STRN3: variants seen among roughly 807,000 people sequenced by gnomAD.
STRN3 encodes the protein striatin 3, also known as striatin-3.
A neutral mutation model predicts 95.6 loss-of-function variants in STRN3; 29 were observed. The ratio of observed to expected loss-of-function variants is 0.30; its 90% CI spans 0.23 to 0.41. The LOEUF (loss-of-function observed/expected upper bound fraction) is 0.41. Ranked by LOEUF, STRN3 falls within the 10% of genes least tolerant of loss-of-function variation. The pLI is 1.00. For synonymous variants in STRN3, 331 were observed against 357.6 expected, an observed-to-expected ratio of 0.93 and a Z score of 0.84; for missense variants, 890 against 972.1, an observed-to-expected ratio of 0.92 and a Z score of 1.12.
intron 1 of STRN3, among the ~76,000 whole-genome samples, chr14:31,020,707 A>G (rs1296244338): frequency 6.6e-6 from 1 of 152,076 alleles, no homozygotes; most frequent in Non-Finnish European, 1.5e-5. Flanking sequence ...CCAGGAGTTC[A>G]AGACCAGCCT....
intron 1 of STRN3, among the ~76,000 whole-genome samples, chr14:30,965,657 T>TA (rs1337277011): frequency 2.8e-5 from 4 of 145,360 alleles, no homozygotes; most frequent in South Asian, 2.1e-4. Context: ...CCATCTCTAC[T>TA]AAAAAAATTA....
At chr14:30,968,866 T>C (rs1012311590) in intron 1 of STRN3, among the ~76,000 whole-genome samples, 9 of 152,142 alleles carry the variant, frequency 5.9e-5, no homozygotes, top group African/African-American at 1.9e-4. Context: ...GCAAAGCGTG[T>C]AAGGAAAGTA....
At chr14:30,962,372 A>G (rs1437029651) in intron 1 of STRN3, among the ~76,000 whole-genome samples, 1 of 152,202 alleles carries the variant, frequency 6.6e-6, no homozygotes, top group African/African-American at 2.4e-5. Flanking sequence ...AAAAAAATTC[A>G]CATAAATTTA....
At position 30,936,571 on chromosome 14, in the gene STRN3, C is replaced by A. The variant is rs760713044; in HGVS notation, c.770G>T (p.Ser257Ile). The A allele has an allele frequency of 6.2e-7, 1 of 1,613,832 alleles. No homozygotes were observed. The highest frequency in any genetic ancestry group is 1.1e-5 in the South Asian group (1 of 91,072). ...TFNFLENADD[S>I]DEDEENDMIE... is the part of the protein sequence containing the mutation. ...CATGTCATTTTCCTCATCTTCATCACTGTCATCGGCATTTTCTAAGAAATT... is the reference window on the plus strand; with the variant it reads ...CATGTCATTTTCCTCATCTTCATCAATGTCATCGGCATTTTCTAAGAAATT... The change falls in exon 6 of 18, where the codon AGT (serine) becomes ATT (isoleucine). Residue 257 changes from serine (S) to isoleucine (I), a missense_variant. Transcript: ENST00000357479.
At position 30,894,900 on chromosome 14, in the gene STRN3, T is replaced by C. The variant is rs1566420571; in HGVS notation, c.*511A>G. On this transcript the variant is annotated 3_prime_UTR_variant, in exon 18 of 18. Transcript: ENST00000357479. ...AAGTTAAATTTTCTTTTTCTTTTTT[T>C]TTTTTTTTAAAGCAAAATAAGTTTA... The C allele has an allele frequency of 3.8e-6, 4 of 1,056,310 alleles. No individual in the cohort carries two copies. The highest frequency in any genetic ancestry group is 1.6e-5 in the South Asian group (1 of 62,176). The allele number at this position is 1,056,310 out of a possible 1,614,324, so 65.4% of individuals were successfully genotyped here.
intron 1 of STRN3, among the ~76,000 whole-genome samples, chr14:30,977,644 T>A (rs1376188775): frequency 2.7e-5 from 4 of 145,556 alleles, no homozygotes; most frequent in African/African-American, 1.0e-4. Flanking sequence ...AAAAAAAAAA[T>A]TAGCCAGGTG....
At position 30,894,864 on chromosome 14, in the gene STRN3, T is replaced by C. The variant is rs570380733; in HGVS notation, c.*547A>G. Reference sequence around the variant, plus strand: ...TCCAAACATTTTGTGCAACTAATGCTAAAATATTTTAAGTTAAATTTTCTT... The same window carrying C: ...TCCAAACATTTTGTGCAACTAATGCCAAAATATTTTAAGTTAAATTTTCTT... On this transcript the variant is annotated 3_prime_UTR_variant, in exon 18 of 18. Transcript: ENST00000357479. The C allele has an allele frequency of 3.9e-6, 3 of 775,210 alleles. No individual in the cohort carries two copies. In the South Asian group the frequency reaches 6.1e-5, roughly 16 times the overall value. The allele number at this position is 775,210 out of a possible 1,614,324, so 48.0% of individuals were successfully genotyped here. A position where few individuals can be genotyped will look rare whatever the true frequency, so the allele number is the denominator to read the frequency against.
At chr14:30,931,117 G>GA (rs1026541671) in intron 7 of STRN3, among the ~76,000 whole-genome samples, 3 of 151,956 alleles carry the variant, frequency 2.0e-5, no homozygotes, top group African/African-American at 4.8e-5. Flanking sequence ...TAAGCTTAAG[G>GA]AAAAAAATAT....
chr14:30,905,264 A>C (rs1276565966), intron 15 of STRN3, among the ~76,000 whole-genome samples, 154 bp downstream of exon 15: 1 of 152,226 alleles, frequency 6.6e-6, no homozygotes, highest in Non-Finnish European at 1.5e-5. Context: ...GAAAAAGCAG[A>C]CATAATATAA....
rs1555317336 is a variant in STRN3, at chr14:30,929,967, A to AAAAAAAAAAAAAAAAAAC, written c.989-657_989-656insGTTTTTTTTTTTTTTTTT. ...AACTAAGATTAGCAAAAAAAAAAAAAAAAAAAAAAAAACTCAAATTCCACT... is the reference window on the plus strand; with the variant it reads ...AACTAAGATTAGCAAAAAAAAAAAAAAAAAAAAAAAAAAAAAACAAAAAAAAAAAACTCAAATTCCACT... On this transcript the variant is annotated intron_variant, in intron 7 of 17. Transcript: ENST00000357479. Among the ~76,000 whole-genome samples the AAAAAAAAAAAAAAAAAAC allele has an allele frequency of 1.5e-3, 135 of 91,182 alleles. 14 individuals are homozygous for AAAAAAAAAAAAAAAAAAC. The highest frequency in any genetic ancestry group is 3.5e-3 in the African/African-American group (91 of 26,044). 59.8% of individuals were successfully genotyped at this position (91,182 alleles called of 152,430 possible).
At chr14:31,006,418 A>T (rs1882716968) in intron 1 of STRN3, among the ~76,000 whole-genome samples, 1 of 151,604 alleles carries the variant, frequency 6.6e-6, no homozygotes, top group Non-Finnish European at 1.5e-5. Context: ...AAAGTAGCCC[A>T]GGTGTGGTGG....
chr14:31,015,149 A>G (rs1883182799), intron 1 of STRN3, among the ~76,000 whole-genome samples: 1 of 151,764 alleles, frequency 6.6e-6, no homozygotes, highest in Non-Finnish European at 1.5e-5. Context: ...ACTTTTATTT[A>G]TTTACTTTTC....
At chr14:30,949,718 T>A (rs1178202717) in intron 4 of STRN3, among the ~76,000 whole-genome samples, 1 of 151,752 alleles carries the variant, frequency 6.6e-6, no homozygotes, top group Non-Finnish European at 1.5e-5. Context: ...AAGGAAAGTG[T>A]TAAGGGAATT....
intron 1 of STRN3, among the ~76,000 whole-genome samples, chr14:30,982,754 G>A (rs138714123): frequency 1.4e-4 from 22 of 152,206 alleles, no homozygotes; most frequent in African/African-American, 5.3e-4. Flanking sequence ...CTATTTTAAT[G>A]GTACTTTATT....
chr14:30,951,880 G>C (rs1879657454), intron 3 of STRN3, among the ~76,000 whole-genome samples: 1 of 152,190 alleles, frequency 6.6e-6, no homozygotes, highest in Admixed American at 6.5e-5. Flanking sequence ...GACTTTGGGA[G>C]GCTGAGGTGG....
At chr14:30,996,418 C>A (rs1333550070) in intron 1 of STRN3, among the ~76,000 whole-genome samples, 3 of 152,156 alleles carry the variant, frequency 2.0e-5, no homozygotes, top group African/African-American at 7.2e-5. Flanking sequence ...GATAAAGGGT[C>A]ACACAGTAAA....
At chr14:31,022,673 C>G (rs1883558122) in intron 1 of STRN3, among the ~76,000 whole-genome samples, 1 of 151,506 alleles carries the variant, frequency 6.6e-6, no homozygotes, top group South Asian at 2.1e-4. Flanking sequence ...AGAGCTAAGA[C>G]AGTATAACAT....
intron 3 of STRN3, among the ~76,000 whole-genome samples, chr14:30,953,936 GTT>G (rs918850572): frequency 3.9e-5 from 6 of 152,186 alleles, no homozygotes; most frequent in Middle Eastern, 3.4e-3. Context: ...GCCTAGGTAT[GTT>G]ATATCCTCTT....
At chr14:31,025,814 G>C in intron 1 of STRN3, 90 bp downstream of exon 1, 1 of 1,515,718 alleles carries the variant, frequency 6.6e-7, no homozygotes, top group Non-Finnish European at 8.8e-7. Context: ...CTCCCAAGGC[G>C]CCGGCTCCGG....
Sources: allele counts gnomAD v4.1 joint callset (sites outside exome capture counted in the v4.1 genomes callset), GRCh38; gene constraint gnomAD v4.1.1; transcripts MANE v1.5; gene names NCBI Gene and HGNC (gene_info 2026-07-23, HGNC 2026-07-21).